The following ZNF839 variants were observed in gnomAD, a reference collection of about 807,000 sequenced individuals.
ZNF839 encodes zinc finger protein 839.
A neutral mutation model predicts 56.4 loss-of-function variants in ZNF839; 38 were observed. The ratio of observed to expected loss-of-function variants is 0.67; its 90% confidence interval spans 0.52 to 0.88. The LOEUF (loss-of-function observed/expected upper bound fraction) is 0.88, where lower values mean the gene tolerates loss of function less well. Among genes scored for constraint, ZNF839 ranks in the 40% least tolerant of loss-of-function variants. The pLI, the probability that ZNF839 is intolerant of heterozygous loss-of-function variation, is 0.00. For missense variants in ZNF839, 1,091 were observed against 1,177.6 expected, an observed-to-expected ratio of 0.93 and a Z score of 1.08; for synonymous variants, 486 against 493.5, an observed-to-expected ratio of 0.98 and a Z score of 0.20.
chr14:102,335,188 A>T (rs1460293326), intron 4 of ZNF839: 1 of 154,350 alleles, frequency 6.5e-6, no homozygotes, highest in East Asian at 1.9e-4. Context: ...TGTCTCGGGC[A>T]GGTGCCCGTT....
In ZNF839 at chr14:102,326,288, G is replaced by A; in HGVS notation, c.592G>A (p.Ala198Thr). The change falls in exon 2 of 8, where the codon GCT becomes ACT. Residue 198 changes from alanine (A) to threonine (T), a missense_variant. Physicochemically the swap from Ala to Thr is moderately conservative, Grantham distance 58 (BLOSUM62 0). Around this residue, in one of 3 missense-constraint regions of ZNF839, gnomAD observed 614 missense variants for 629.2 expected, o/e 0.98. Coordinates refer to ENST00000442396, the MANE Select transcript of ZNF839 (RefSeq NM_018335.6). This position sits in a 1 kb window ranked among gnomAD's most constrained non-coding sequence, Gnocchi z 4.3. ...TGCAAAGAGAGTCCCAGCCCCCAAG[G>A]CTCCAGATGAACAGGGCTCCATGTT... is the stretch of plus-strand genomic sequence containing the variant. ...VPAKRVPAPK[A>T]PDEQGSMLTP... 4 of 1,613,478 alleles carry A rather than the reference G, an allele frequency of 2.5e-6. No individual in the cohort carries two copies. Among genetic ancestry groups the A allele is most frequent in the Non-Finnish European group, 3.4e-6 (4 of 1,179,698 alleles).
At chr14:102,334,408 TTAA>T in intron 3 of ZNF839, 143 bp from the exon 4 acceptor site, 1 of 627,112 alleles carries the variant, frequency 1.6e-6, no homozygotes, top group Non-Finnish European at 2.9e-6. Context: ...GGTGAAATAG[TTAA>T]TAAAGCAGAA....
intron 1 of ZNF839, among the ~76,000 whole-genome samples, chr14:102,323,232 G>A (rs1489146795): frequency 6.6e-6 from 1 of 152,226 alleles, no homozygotes; most frequent in Non-Finnish European, 1.5e-5. Flanking sequence ...TCAGGACTCG[G>A]GATCACTACT....
At chr14:102,320,395 A>T (rs1270333464) in intron 1 of ZNF839, among the ~76,000 whole-genome samples, 1 of 152,184 alleles carries the variant, frequency 6.6e-6, no homozygotes, top group African/African-American at 2.4e-5. Flanking sequence ...GAGCACTTAG[A>T]GACCGTGTTC....
At chr14:102,328,354 CAAAAAAA>C (rs1158691824) in intron 2 of ZNF839, among the ~76,000 whole-genome samples, 16 of 28,890 alleles carry the variant, frequency 5.5e-4, no homozygotes, top group Non-Finnish European at 7.5e-4. Flanking sequence ...AACTCCATCT[CAAAAAAA>C]AAAAAAAAAA....
At chr14:102,325,950 G>A in intron 1 of ZNF839, 35 bp from the exon 2 acceptor site, 1 of 1,594,140 alleles carries the variant, frequency 6.3e-7, no homozygotes, top group South Asian at 1.1e-5. Context: ...TAAGCACAAT[G>A]CTTCTTTTCT....
intron 1 of ZNF839, among the ~76,000 whole-genome samples, chr14:102,322,581 T>G (rs1293191046): frequency 1.3e-5 from 2 of 152,216 alleles, no homozygotes; most frequent in Non-Finnish European, 2.9e-5. Flanking sequence ...GTTTTTGTTT[T>G]GGGGTTTTGT....
chr14:102,341,313 A>G lies in ZNF839; in HGVS notation c.1928-10A>G, dbSNP rs751247025. On this transcript the variant is annotated splice_polypyrimidine_tract_variant and intron_variant, in intron 7 of 7. Coordinates refer to ENST00000442396, the MANE Select transcript of ZNF839 (RefSeq NM_018335.6). ...ACACGCCATGTTCACCTGTTTCCCA[A>G]AATGTTTAGGTTTTTCCCCTCCAGT... 2.6e-6 allele frequency: 4 copies of G among 1,514,238 alleles called. No individual in the cohort carries two copies. The highest frequency in any genetic ancestry group is 3.5e-6 in the Non-Finnish European group (4 of 1,131,680). The allele number at this position is 1,514,238 out of a possible 1,614,324, so 93.8% of individuals were successfully genotyped here.
chr14:102,338,276 G>A (rs1460545289), intron 5 of ZNF839, among the ~76,000 whole-genome samples: 2 of 152,302 alleles, frequency 1.3e-5, no homozygotes, highest in African/African-American at 2.4e-5. Flanking sequence ...AGTGGCTCAC[G>A]CCTGTAATCC....
At chr14:102,339,758 A>AT (rs1173244900) in intron 7 of ZNF839, among the ~76,000 whole-genome samples, 1 of 151,734 alleles carries the variant, frequency 6.6e-6, no homozygotes, top group Non-Finnish European at 1.5e-5. Context: ...CAAAAAAAAA[A>AT]GGAGAGCCAC....
At position 102,335,931 on chromosome 14, in the gene ZNF839, T is replaced by G. The variant is rs1445946821; in HGVS notation, c.1659+93T>G. On this transcript the variant is annotated intron_variant, in intron 5 of 7. Transcript: ENST00000442396. Reference sequence around the variant, plus strand: ...CAGTGGCTTATGCTTGTAGTCCCAGTGCTTTGGGAGACTGAGGCAGGTGGA... The same window carrying G: ...CAGTGGCTTATGCTTGTAGTCCCAGGGCTTTGGGAGACTGAGGCAGGTGGA... The G allele has an allele frequency of 3.5e-6, 5 of 1,417,992 alleles. No homozygotes were observed. The African/African-American group carries it at 7.1e-5, about 20-fold the overall frequency. 87.8% of individuals were successfully genotyped at this position (1,417,992 alleles called of 1,614,324 possible). A position where few individuals can be genotyped will look rare whatever the true frequency, so the allele number is the denominator to read the frequency against.
chr14:102,341,515 C>T lies in ZNF839; in HGVS notation c.2120C>T (p.Ala707Val), dbSNP rs1419920932. The part of the protein sequence containing the change: ...SRDVSGLPVY[A>V]QSGEPRRLTQ... ...GATGTCAGTGGGCTGCCTGTTTATGCTCAGTCAGGAGAGCCTAGGAGGCTG... is the reference window on the plus strand; with the variant it reads ...GATGTCAGTGGGCTGCCTGTTTATGTTCAGTCAGGAGAGCCTAGGAGGCTG... Residue 707 changes from alanine to valine, a missense_variant, in exon 8 of 8, where the codon GCT becomes GTT. By Grantham distance (64) the Ala-to-Val change is moderately conservative (BLOSUM62 0). Coordinates refer to ENST00000442396, the MANE Select transcript of ZNF839 (RefSeq NM_018335.6). 6 of 1,603,608 alleles carry T rather than the reference C, an allele frequency of 3.7e-6. No homozygotes were observed. The highest frequency in any genetic ancestry group is 4.3e-6 in the Non-Finnish European group (5 of 1,173,868).
At chr14:102,339,515 TG>T (rs1177647013) in intron 7 of ZNF839, among the ~76,000 whole-genome samples, 1 of 151,970 alleles carries the variant, frequency 6.6e-6, no homozygotes, top group Non-Finnish European at 1.5e-5. Flanking sequence ...GAGGCCGAGG[TG>T]GGCGGATCAC....
At position 102,334,549 on chromosome 14, in the gene ZNF839, G is replaced by C. The variant is rs1362181814; in HGVS notation, c.1417-5G>C. 1 of 1,604,976 alleles carries C rather than the reference G, an allele frequency of 6.2e-7. No homozygotes were observed. Among genetic ancestry groups the C allele is most frequent in the Admixed American group, 1.7e-5 (1 of 59,100 alleles). ...TCAAAGGCATGAAATGCTTTCCCTT[G>C]GTAGTTCCTCCAGCAGTGTGACCGG... On this transcript the variant is annotated splice_region_variant and splice_polypyrimidine_tract_variant and intron_variant, in intron 3 of 7. Coordinates refer to ENST00000442396, the MANE Select transcript of ZNF839 (RefSeq NM_018335.6).
upstream of ZNF839, chr14:102,319,611 G>A: frequency 9.1e-7 from 1 of 1,101,698 alleles, no homozygotes; most frequent in Non-Finnish European, 1.1e-6. The surrounding 1 kb of genome is among the most constrained non-coding windows in gnomAD (Gnocchi z 4.5). Flanking sequence ...GTTGTCGGCT[G>A]GGGCGGGGCA....
At chr14:102,337,359 G>T (rs1382450377) in intron 5 of ZNF839, 1 of 151,946 alleles carries the variant, frequency 6.6e-6, no homozygotes, top group East Asian at 1.9e-4. Flanking sequence ...AGTAGAGACA[G>T]GGTTTCACCG....
rs201492850 is a variant in ZNF839 at position 102,332,379 on chromosome 14, C to T, written c.1416+533C>T. On this transcript the variant is annotated intron_variant, in intron 3 of 7. Coordinates refer to ENST00000442396, the MANE Select transcript of ZNF839 (RefSeq NM_018335.6). This position sits in a 1 kb window ranked among gnomAD's most constrained non-coding sequence, Gnocchi z 4.9. ...CAAACTCCCGACCTCGTGATCCACC[C>T]GCCTTGGCTTCCCAAAGTGTTGGGA... 7.6e-4 allele frequency among the ~76,000 whole-genome samples: 116 copies of T among 152,176 alleles called. No homozygotes were observed. The highest frequency in any genetic ancestry group is 6.9e-4 in the Non-Finnish European group (47 of 68,004).
chr14:102,338,304 G>C (rs1286075772), intron 5 of ZNF839, among the ~76,000 whole-genome samples: 2 of 152,202 alleles, frequency 1.3e-5, no homozygotes, highest in African/African-American at 2.4e-5. Flanking sequence ...TTGGGAGGCT[G>C]AGGCGGGTGG....
intron 1 of ZNF839, among the ~76,000 whole-genome samples, chr14:102,323,134 A>C (rs1046186560): frequency 1.3e-5 from 2 of 152,234 alleles, no homozygotes; most frequent in African/African-American, 4.8e-5. Context: ...GGTTGAGTCC[A>C]AAGAGGGCCA....
Sources: allele counts gnomAD v4.1 joint callset (sites outside exome capture counted in the v4.1 genomes callset), GRCh38; gene constraint gnomAD v4.1.1; regional missense constraint gnomAD v4.1.1; non-coding constraint Gnocchi (gnomAD v3.1); transcripts MANE v1.5; gene names NCBI Gene and HGNC (gene_info 2026-07-23, HGNC 2026-07-21).